The following HSF1 variants were observed in gnomAD, a reference collection of about 807,000 sequenced individuals.
The protein encoded by HSF1 is heat shock transcription factor 1.
Under a neutral mutation model 51.7 loss-of-function variants are expected in HSF1, and 32 were observed. The observed-to-expected ratio is 0.62, with a 90% CI of 0.47 to 0.83. HSF1 has a LOEUF of 0.83. Among genes scored for constraint, HSF1 ranks in the 40% least tolerant of loss-of-function variants. The pLI is 0.00. For missense variants in HSF1, 727 were observed against 717.0 expected (o/e 1.01, Z -0.16); for synonymous variants, 396 against 309.7 (o/e 1.28, Z -2.92).
intron 9 of HSF1, chr8:144,312,716 G>T (rs782338132): frequency 1.2e-4 from 185 of 1,535,000 alleles, no homozygotes; most frequent in Non-Finnish European, 1.9e-5. Context: ...GCCAGGGTTA[G>T]CGCTGACCCC....
chr8:144,308,797 G>A (rs921249398), intron 1 of HSF1, 109 bp from the exon 2 acceptor site: 1 of 884,668 alleles, frequency 1.1e-6, no homozygotes, highest in South Asian at 1.4e-5. Flanking sequence ...GCCCCATCAG[G>A]TGGAACGTGC....
chr8:144,292,322 G>A (rs746876232), intron 1 of HSF1, among the ~76,000 whole-genome samples: 21 of 152,242 alleles, frequency 1.4e-4, no homozygotes, highest in African/African-American at 4.8e-4. Context: ...GAAGTGGAGG[G>A]CGTTGCTGTA....
chr8:144,312,137 C>T lies in HSF1; in HGVS notation c.1035C>T (p.Val345=). Residue 345 remains valine, a synonymous_variant, in exon 9 of 13, where the codon GTC becomes GTT. Transcript: ENST00000528838. ...AGAGTGAACCTGCCCCCGCCTCCGT[C>T]ACAGCCCTCACGGACGCCAGGGGCC... The part of the protein sequence containing the change: ...LRESEPAPAS[V]TALTDARGHT... 6.2e-7 allele frequency: 1 copy of T among 1,612,022 alleles called. No homozygotes were observed. The highest frequency in any genetic ancestry group is 8.5e-7 in the Non-Finnish European group (1 of 1,179,708).
rs1554840373 is a variant in HSF1, at chr8:144,291,754, C to G, written c.-4C>G. The G allele has an allele frequency of 6.7e-7, 1 of 1,494,866 alleles. No individual in the cohort carries two copies. The highest frequency in any genetic ancestry group is 2.8e-5 in the East Asian group (1 of 35,164). 92.6% of individuals were successfully genotyped at this position (1,494,866 alleles called of 1,614,324 possible). A position where few individuals can be genotyped will look rare whatever the true frequency, so the allele number is the denominator to read the frequency against. On this transcript the variant is annotated 5_prime_UTR_variant, in exon 1 of 13. Coordinates refer to ENST00000528838, the MANE Select transcript of HSF1 (RefSeq NM_005526.4). The surrounding 1 kb of genome is among the most constrained non-coding windows in gnomAD (Gnocchi z 4.1). ...TCCCTCCGCCTATTCCCTCCTTGCT[C>G]GAGATGGATCTGCCCGTGGGCCCCG...
At chr8:144,301,113 G>A (rs1026962944) in intron 1 of HSF1, among the ~76,000 whole-genome samples, 11 of 152,198 alleles carry the variant, frequency 7.2e-5, no homozygotes, top group African/African-American at 2.7e-4. Context: ...CAGTGGGGAA[G>A]AGAATACAGA....
chr8:144,296,581 G>A (rs781892660), intron 1 of HSF1, among the ~76,000 whole-genome samples: 8 of 152,114 alleles, frequency 5.3e-5, no homozygotes, highest in South Asian at 4.1e-4. Flanking sequence ...GGCGGATCAC[G>A]AGATCAGGAG....
In HSF1 at chr8:144,311,492, C is replaced by G. The variant is rs781983086; in HGVS notation, c.627-13C>G. ...GGTGGGGGGTGGTGGCTGACCTGCA[C>G]CCTTCCCCACAGCCCCCTGATGCTG... On this transcript the variant is annotated splice_polypyrimidine_tract_variant and intron_variant, in intron 6 of 12. Transcript: ENST00000528838. The G allele has an allele frequency of 6.2e-7, 1 of 1,613,252 alleles. No homozygotes were observed. Among genetic ancestry groups the G allele is most frequent in the African/African-American group, 1.3e-5 (1 of 74,924 alleles).
Position 144,291,646 on chromosome 8 carries a change from T to G in HSF1, c.-112T>G, listed in dbSNP as rs1351090621. On this transcript the variant is annotated 5_prime_UTR_variant, in exon 1 of 13. Coordinates refer to ENST00000528838, the MANE Select transcript of HSF1 (RefSeq NM_005526.4). This position sits in a 1 kb window ranked among gnomAD's most constrained non-coding sequence, Gnocchi z 4.1. ...GGCCATGCTGGGCCCCGGGGCTGTG[T>G]GTGCGCAGCGGGCGGCGGCGCGGCC... The G allele has an allele frequency of 8.3e-5, 48 of 574,990 alleles. No individual in the cohort carries two copies. The highest frequency in any genetic ancestry group is 3.3e-4 in the Admixed American group (7 of 21,514). 35.6% of individuals were successfully genotyped at this position (574,990 alleles called of 1,614,324 possible).
At position 144,312,100 on chromosome 8, in the gene HSF1, C is replaced by G. The variant is rs782223468; in HGVS notation, c.998C>G (p.Ser333Cys). 33 of 1,612,408 alleles carry G rather than the reference C, an allele frequency of 2.0e-5. No homozygotes were observed. The highest frequency in any genetic ancestry group is 1.3e-5 in the Non-Finnish European group (15 of 1,179,854). Residue 333 changes from serine to cysteine, a missense_variant, in exon 9 of 13, where the codon TCC (serine) becomes TGC (cysteine). Around this residue, in one of 2 missense-constraint regions of HSF1, gnomAD observed 470 missense variants for 398.8 expected, o/e 1.18. Coordinates refer to ENST00000528838, the MANE Select transcript of HSF1 (RefSeq NM_005526.4). The part of the protein sequence containing the change: ...TLLSPTALID[S>C]ILRESEPAPA... Reference sequence around the variant, plus strand: ...TTGTCCCCGACCGCCCTCATTGACTCCATCCTGCGGGAGAGTGAACCTGCC... The same window carrying G: ...TTGTCCCCGACCGCCCTCATTGACTGCATCCTGCGGGAGAGTGAACCTGCC...
Position 144,314,606 on chromosome 8 carries a change from T to C in HSF1, c.*276T>C, listed in dbSNP as rs897433554. ...AGGTTGTTCATAGTCAGAATTGTATTTTGGATTTTTACACAACTGTCCCGT... is the reference window on the plus strand; with the variant it reads ...AGGTTGTTCATAGTCAGAATTGTATCTTGGATTTTTACACAACTGTCCCGT... On this transcript the variant is annotated 3_prime_UTR_variant, in exon 13 of 13. Transcript: ENST00000528838. 4 of 517,644 alleles carry C rather than the reference T, an allele frequency of 7.7e-6. No individual in the cohort carries two copies. The highest frequency in any genetic ancestry group is 1.4e-5 in the Non-Finnish European group (4 of 286,764). 32.1% of individuals were successfully genotyped at this position (517,644 alleles called of 1,614,324 possible).
At position 144,309,393 on chromosome 8, in the gene HSF1, C is replaced by A. The variant is rs370900064; in HGVS notation, c.227-62C>A. 15 of 1,599,040 alleles carry A rather than the reference C, an allele frequency of 9.4e-6. No homozygotes were observed. The East Asian group carries it at 1.1e-4, about 12-fold the overall frequency. On this transcript the variant is annotated intron_variant, in intron 2 of 12. Coordinates refer to ENST00000528838, the MANE Select transcript of HSF1 (RefSeq NM_005526.4). ...CGCAGCAGCCTCCTGGAGCAGTGGC[C>A]GCTCTTCAGGGGTTCTGGTCCCGCC...
intron 7 of HSF1, 34 bp downstream of exon 7, chr8:144,311,635 T>C (rs782658419): frequency 9.9e-6 from 16 of 1,612,398 alleles, no homozygotes; most frequent in Non-Finnish European, 1.4e-5. Flanking sequence ...CGCCCAGGCA[T>C]GCAGGCGGCA....
chr8:144,304,490 G>C (rs111448394), intron 1 of HSF1, among the ~76,000 whole-genome samples: 1,614 of 152,288 alleles, frequency 0.011, 28 homozygotes, highest in African/African-American at 0.038. Flanking sequence ...ATGTTGCCCA[G>C]GCTGGTCTCC....
chr8:144,309,209 G>A (rs1415395825), intron 2 of HSF1, 195 bp downstream of exon 2: 1 of 662,144 alleles, frequency 1.5e-6, no homozygotes, highest in Non-Finnish European at 2.6e-6. Context: ...TATGAACCTG[G>A]GGTCCCCATG....
At chr8:144,300,368 C>T (rs376286239) in intron 1 of HSF1, among the ~76,000 whole-genome samples, 1 of 152,230 alleles carries the variant, frequency 6.6e-6, no homozygotes, top group African/African-American at 2.4e-5. Flanking sequence ...AGGCACCCGC[C>T]ACCTCGCCCG....
intron 1 of HSF1, among the ~76,000 whole-genome samples, chr8:144,302,177 A>T (rs1002752574): frequency 6.7e-5 from 10 of 148,842 alleles, no homozygotes; most frequent in South Asian, 4.4e-4. Context: ...AAAAAAAAAA[A>T]TTTTTTTTTG....
intron 3 of HSF1, 53 bp downstream of exon 3, chr8:144,309,644 G>A (rs1426783904): frequency 3.6e-5 from 29 of 799,194 alleles, no homozygotes; most frequent in Admixed American, 1.4e-4. Flanking sequence ...AGCTCTCCCC[G>A]CCCGCCCCTC....
chr8:144,308,765 C>T, intron 1 of HSF1, 141 bp from the exon 2 acceptor site: 1 of 694,162 alleles, frequency 1.4e-6, no homozygotes, highest in Non-Finnish European at 2.6e-6. Flanking sequence ...CCCGCCAGCC[C>T]CCTGGGCCTC....
intron 1 of HSF1, 63 bp from the exon 2 acceptor site, chr8:144,308,843 G>T (rs1476835013): frequency 7.6e-7 from 1 of 1,316,506 alleles, no homozygotes; most frequent in Non-Finnish European, 1.1e-6. Context: ...CCTGGGGAAG[G>T]GGCGGCTTGG....
Sources: gnomAD v4.1 joint callset for allele counts (sites outside exome capture counted in the v4.1 genomes callset) on GRCh38, gnomAD v4.1.1 for gene constraint, gnomAD v4.1.1 regional missense constraint, Gnocchi (gnomAD v3.1) non-coding constraint, MANE v1.5 for transcripts, NCBI Gene and HGNC (gene_info 2026-07-23, HGNC 2026-07-21) for gene names.